TAFA5: variants seen among roughly 807,000 people sequenced by gnomAD.
The protein encoded by TAFA5 is TAFA chemokine like family member 5.
A neutral mutation model predicts 15.3 loss-of-function variants in TAFA5; 6 were observed. The observed-to-expected ratio is 0.39, with a 90% CI of 0.21 to 0.77. The LOEUF (loss-of-function observed/expected upper bound fraction) is 0.77. Ranked by LOEUF, TAFA5 falls within the 30% of genes least tolerant of loss-of-function variation. The pLI, the probability that TAFA5 is intolerant of heterozygous loss-of-function variation, is 0.41. For synonymous variants in TAFA5, 103 were observed against 80.7 expected (o/e 1.28, Z -1.48); for missense variants, 161 against 193.1 (o/e 0.83, Z 0.98).
intron 1 of TAFA5, among the ~76,000 whole-genome samples, chr22:48,631,445 G>A (rs1392783762): frequency 3.3e-5 from 5 of 152,204 alleles, no homozygotes; most frequent in African/African-American, 4.8e-5. Context: ...GCACCGGTGC[G>A]GCCCGTGCAG....
chr22:48,550,475 G>A lies in TAFA5; in HGVS notation c.112+60771G>A, dbSNP rs908107222. ...AGGTCACATCTGGATGGAACCAGAT[G>A]TGAGGGCTTTGACCCCCACGGAGCC... On this transcript the variant is annotated intron_variant, in intron 1 of 3. Coordinates refer to ENST00000402357, the MANE Select transcript of TAFA5 (RefSeq NM_001082967.3). The surrounding 1 kb of genome is among the most constrained non-coding windows in gnomAD (Gnocchi z 4.1). 2.0e-5 allele frequency among the ~76,000 whole-genome samples: 3 copies of A among 152,232 alleles called. No individual in the cohort carries two copies. Among genetic ancestry groups the A allele is most frequent in the Non-Finnish European group, 4.4e-5 (3 of 68,034 alleles).
intron 1 of TAFA5, among the ~76,000 whole-genome samples, chr22:48,549,328 G>A (rs563453245): frequency 2.6e-5 from 4 of 152,338 alleles, no homozygotes; most frequent in South Asian, 2.1e-4. Flanking sequence ...ATAAATGCCC[G>A]GAACAATATG....
chr22:48,746,277 CCA>C (rs2147277651), intron 3 of TAFA5, among the ~76,000 whole-genome samples: 1 of 152,132 alleles, frequency 6.6e-6, no homozygotes, highest in South Asian at 2.1e-4. Flanking sequence ...AGGAAGCACC[CCA>C]CTCGTCAGGC....
At chr22:48,534,176 AGGTGGGT>A in intron 1 of TAFA5, among the ~76,000 whole-genome samples, 2 of 145,214 alleles carry the variant, frequency 1.4e-5, no homozygotes, top group African/African-American at 5.2e-5. Flanking sequence ...CAGGCAGGTG[AGGTGGGT>A]CAAGCAGGTG....
chr22:48,579,266 C>G (rs1306055815), intron 1 of TAFA5, among the ~76,000 whole-genome samples: 1 of 152,192 alleles, frequency 6.6e-6, no homozygotes, highest in Non-Finnish European at 1.5e-5. Flanking sequence ...CCCACCGCAC[C>G]AGGCCTGGCT....
In TAFA5 at chr22:48,550,806, G is replaced by A. The variant is rs1207256952; in HGVS notation, c.112+61102G>A. ...AGCTTTCTCTGACCTTCTTGTTCTC[G>A]GGAAAGAGCGGTGCCTCCAGGATTC... On this transcript the variant is annotated intron_variant, in intron 1 of 3. Coordinates refer to ENST00000402357, the MANE Select transcript of TAFA5 (RefSeq NM_001082967.3). The surrounding 1 kb of genome is among the most constrained non-coding windows in gnomAD (Gnocchi z 4.1). Among the ~76,000 whole-genome samples, 1 of 152,070 alleles carries A rather than the reference G, an allele frequency of 6.6e-6. No individual in the cohort carries two copies. The highest frequency in any genetic ancestry group is 2.1e-4 in the South Asian group (1 of 4,826).
rs1020865336 is a variant in TAFA5, at chr22:48,550,305, C to A, written c.112+60601C>A. Among the ~76,000 whole-genome samples the A allele has an allele frequency of 6.6e-6, 1 of 152,216 alleles. No homozygotes were observed. The highest frequency in any genetic ancestry group is 2.4e-5 in the African/African-American group (1 of 41,448). ...CCTGGGAGAACAGGGTCAGTGCAGG[C>A]CACAGGTGAGGCCAGATGCAGACAG... On this transcript the variant is annotated intron_variant, in intron 1 of 3. Coordinates refer to ENST00000402357, the MANE Select transcript of TAFA5 (RefSeq NM_001082967.3). This position sits in a 1 kb window ranked among gnomAD's most constrained non-coding sequence, Gnocchi z 4.1.
intron 3 of TAFA5, among the ~76,000 whole-genome samples, chr22:48,721,084 G>C (rs933813679): frequency 6.5e-4 from 99 of 152,330 alleles, no homozygotes; most frequent in African/African-American, 2.4e-3. Context: ...GGTTGCCCAA[G>C]CAGGAAGGTG....
intron 2 of TAFA5, among the ~76,000 whole-genome samples, chr22:48,702,424 A>G (rs1279524675): frequency 6.6e-6 from 1 of 151,974 alleles, no homozygotes; most frequent in African/African-American, 2.4e-5. Context: ...ACGCACTCCT[A>G]TGCCCCCTTT....
At chr22:48,674,557 T>C (rs916120930) in intron 2 of TAFA5, among the ~76,000 whole-genome samples, 2 of 152,200 alleles carry the variant, frequency 1.3e-5, no homozygotes, top group Admixed American at 1.3e-4. Context: ...ACCACGCTTT[T>C]GTTTGGGCGT....
chr22:48,731,840 C>T (rs1929878154), intron 3 of TAFA5, among the ~76,000 whole-genome samples: 1 of 152,184 alleles, frequency 6.6e-6, no homozygotes, highest in Admixed American at 6.5e-5. Flanking sequence ...GCCCATGGAT[C>T]AAGGAGTAAT....
At chr22:48,681,656 AAAAAAAAAAAG>A (rs1368698129) in intron 2 of TAFA5, among the ~76,000 whole-genome samples, 1 of 151,484 alleles carries the variant, frequency 6.6e-6, no homozygotes, top group Non-Finnish European at 1.5e-5. Context: ...ATCTCCAAAA[AAAAAAAAAAAG>A]AAAAGAAAAA....
At chr22:48,492,560 C>T (rs1427603376) in intron 1 of TAFA5, among the ~76,000 whole-genome samples, 2 of 152,250 alleles carry the variant, frequency 1.3e-5, no homozygotes, top group South Asian at 2.1e-4. Flanking sequence ...TGGGCTCCAC[C>T]GTCTGGCCGG....
chr22:48,608,415 A>C (rs1194699951), intron 1 of TAFA5, among the ~76,000 whole-genome samples: 1 of 150,492 alleles, frequency 6.6e-6, no homozygotes, highest in African/African-American at 2.4e-5. Context: ...ACTCATGAAC[A>C]CGTGATACTG....
At chr22:48,683,268 T>A (rs1445902526) in intron 2 of TAFA5, among the ~76,000 whole-genome samples, 2 of 152,160 alleles carry the variant, frequency 1.3e-5, no homozygotes, top group African/African-American at 4.8e-5. Flanking sequence ...ATAAAGACTT[T>A]CTTCAAAGGC....
intron 1 of TAFA5, among the ~76,000 whole-genome samples, chr22:48,634,778 T>C (rs201640043): frequency 1.6e-5 from 2 of 123,880 alleles, no homozygotes; most frequent in African/African-American, 6.2e-5. Flanking sequence ...GCCACTCATT[T>C]AGTCACTCAC....
intron 2 of TAFA5, among the ~76,000 whole-genome samples, chr22:48,690,735 A>C (rs1192588703): frequency 6.6e-6 from 1 of 152,166 alleles, no homozygotes; most frequent in Non-Finnish European, 1.5e-5. Flanking sequence ...GTGTCCCTCA[A>C]GCTGGACGTG....
At chr22:48,665,063 C>T (rs1024561538) in intron 2 of TAFA5, among the ~76,000 whole-genome samples, 5 of 152,200 alleles carry the variant, frequency 3.3e-5, no homozygotes, top group East Asian at 1.9e-4. Flanking sequence ...GTTCTGTGTG[C>T]GTCATGGTCC....
chr22:48,575,941 A>AGGCGGC (rs963346633), intron 1 of TAFA5, among the ~76,000 whole-genome samples: 11 of 130,758 alleles, frequency 8.4e-5, no homozygotes, highest in Non-Finnish European at 1.8e-4. Flanking sequence ...GCGGCGGAGG[A>AGGCGGC]GGCGGCGGCG....
Sources: allele counts gnomAD v4.1 joint callset (sites outside exome capture counted in the v4.1 genomes callset), GRCh38; gene constraint gnomAD v4.1.1; non-coding constraint Gnocchi (gnomAD v3.1); transcripts MANE v1.5; gene names NCBI Gene and HGNC (gene_info 2026-07-23, HGNC 2026-07-21).